Variants in RASAL1 observed in about 807,000 individuals in gnomAD.
RASAL1 encodes RAS protein activator like 1.
RASAL1 carries 72 observed loss-of-function variants against 96.6 expected under a neutral mutation model. The observed-to-expected ratio is 0.75, with a 90% CI of 0.62 to 0.91. The LOEUF is 0.91. Among genes scored for constraint, RASAL1 ranks in the 40% least tolerant of loss-of-function variants. The pLI is 0.00. For missense variants in RASAL1, 1,016 were observed against 1,072.5 expected (o/e 0.95, Z 0.74); for synonymous variants, 405 against 430.4 (o/e 0.94, Z 0.73).
chr12:113,132,219 C>T (rs1002200997), intron 1 of RASAL1, among the ~76,000 whole-genome samples: 17 of 152,074 alleles, frequency 1.1e-4, no homozygotes, highest in Non-Finnish European at 1.3e-4. Context: ...GTAATCCACC[C>T]GCCTCGGCCT....
intron 1 of RASAL1, among the ~76,000 whole-genome samples, chr12:113,131,488 T>G (rs1457699583): frequency 6.6e-6 from 1 of 152,068 alleles, no homozygotes; most frequent in African/African-American, 2.4e-5. Flanking sequence ...CAATGGGAGC[T>G]TCCCTGGGAA....
intron 11 of RASAL1, 53 bp from the exon 12 acceptor site, chr12:113,114,965 G>T: frequency 7.0e-7 from 1 of 1,437,740 alleles, no homozygotes; most frequent in Non-Finnish European, 9.8e-7. Context: ...GCCGGGGCAT[G>T]CCCATGAGCT....
intron 8 of RASAL1, among the ~76,000 whole-genome samples, chr12:113,116,703 A>G (rs1951101620): frequency 1.3e-5 from 2 of 152,352 alleles, no homozygotes; most frequent in Admixed American, 6.5e-5. Context: ...ACAGGTGTGT[A>G]TAGGTGCGGC....
intron 1 of RASAL1, among the ~76,000 whole-genome samples, chr12:113,134,773 G>C (rs1951849490): frequency 6.6e-6 from 1 of 152,156 alleles, no homozygotes; most frequent in Admixed American, 6.5e-5. Flanking sequence ...ACCTGGCTGG[G>C]GAGGGGGTCG....
chr12:113,105,659 G>A, intron 16 of RASAL1, 55 bp downstream of exon 16: 1 of 1,509,342 alleles, frequency 6.6e-7, no homozygotes, highest in Non-Finnish European at 8.9e-7. Flanking sequence ...CAAAGAGGCA[G>A]CACACTGAAA....
At chr12:113,106,763 T>C (rs190969340) in intron 15 of RASAL1, among the ~76,000 whole-genome samples, 4 of 152,198 alleles carry the variant, frequency 2.6e-5, no homozygotes, top group Admixed American at 2.6e-4. Context: ...TGAGATCAGA[T>C]TTTCTCTGTC....
rs1449150486 is a variant in RASAL1, at chr12:113,115,075, C to T, written c.1068+125G>A. 9.3e-6 allele frequency: 11 copies of T among 1,181,466 alleles called. No homozygotes were observed. Among genetic ancestry groups the T allele is most frequent in the South Asian group, 3.8e-5 (3 of 78,128 alleles). 73.2% of individuals were successfully genotyped at this position (1,181,466 alleles called of 1,614,324 possible). ...ACTCAGGGCAAGGCCGGGCACCAGC[C>T]GCCAGCACTGCAGCTCGGCTGCTCA... On this transcript the variant is annotated intron_variant, in intron 11 of 20. Coordinates refer to ENST00000548055, the MANE Select transcript of RASAL1 (RefSeq NM_001301202.2). This position sits in a 1 kb window ranked among gnomAD's most constrained non-coding sequence, Gnocchi z 4.1.
chr12:113,134,257 C>G (rs945497649), intron 1 of RASAL1, among the ~76,000 whole-genome samples: 3 of 152,190 alleles, frequency 2.0e-5, no homozygotes, highest in African/African-American at 7.2e-5. Context: ...AAATTGCTCT[C>G]AACAGCTGCC....
Position 113,108,096 on chromosome 12 carries a change from A to G in RASAL1, c.1501T>C (p.Leu501=). ...CCCATGGCTGGCACCTTGGCAAGCA[A>G]CAGCAGTGAGCGGCTAGTCTGGGGG... ...ADPQTSRSLL[L]LAKAVQSIGN... The change falls in exon 14 of 21, where the codon TTG becomes CTG. Residue 501 remains leucine (L), a synonymous_variant. Transcript: ENST00000548055. 6.2e-7 allele frequency: 1 copy of G among 1,611,908 alleles called. No homozygotes were observed. Among genetic ancestry groups the G allele is most frequent in the Admixed American group, 1.7e-5 (1 of 59,486 alleles).
At chr12:113,105,426 A>T (rs1732772) in intron 16 of RASAL1, among the ~76,000 whole-genome samples, 25 of 152,236 alleles carry the variant, frequency 1.6e-4, no homozygotes, top group Non-Finnish European at 3.1e-4. Context: ...CATTGGAGAG[A>T]GGCTCAGCAT....
At chr12:113,123,259 G>A (rs748591629) in intron 4 of RASAL1, among the ~76,000 whole-genome samples, 3 of 152,160 alleles carry the variant, frequency 2.0e-5, no homozygotes, top group Non-Finnish European at 4.4e-5. Flanking sequence ...GATGATTATT[G>A]TTTCTGCTGA....
chr12:113,131,389 G>A (rs1008094884), intron 1 of RASAL1, among the ~76,000 whole-genome samples: 12 of 152,106 alleles, frequency 7.9e-5, no homozygotes, highest in Non-Finnish European at 4.4e-5. Context: ...CTAGGGGGCT[G>A]GAGGAACTCA....
intron 3 of RASAL1, 85 bp downstream of exon 3, chr12:113,127,980 G>T: frequency 6.4e-7 from 1 of 1,552,654 alleles, no homozygotes; most frequent in South Asian, 1.1e-5. Context: ...ACACCCTCGT[G>T]GGCTGTGGAC....
intron 2 of RASAL1, 42 bp from the exon 3 acceptor site, chr12:113,128,220 C>G (rs1331622974): frequency 7.6e-7 from 1 of 1,311,282 alleles, no homozygotes; most frequent in Admixed American, 1.7e-5. Context: ...TCGGGCCACA[C>G]AGGAGGCAGA....
chr12:113,117,266 G>A, intron 7 of RASAL1, 105 bp from the exon 8 acceptor site: 1 of 767,112 alleles, frequency 1.3e-6, no homozygotes, highest in Non-Finnish European at 1.9e-6. Flanking sequence ...CACCCACAGA[G>A]GGGCAGAATG....
At chr12:113,103,593 G>C (rs1037925927) in intron 18 of RASAL1, among the ~76,000 whole-genome samples, 3 of 150,836 alleles carry the variant, frequency 2.0e-5, no homozygotes, top group Non-Finnish European at 4.4e-5. Context: ...GCAATAGAGT[G>C]AGACTCTGTC....
At chr12:113,105,119 G>A (rs1012899129) in intron 16 of RASAL1, among the ~76,000 whole-genome samples, 3 of 152,138 alleles carry the variant, frequency 2.0e-5, no homozygotes, top group South Asian at 4.1e-4. Flanking sequence ...AGCGTTAGCC[G>A]TCATCATCTA....
Position 113,119,379 on chromosome 12 carries a change from G to T in RASAL1, c.493C>A (p.Gln165Lys), listed in dbSNP as rs151114938. 1 of 1,612,496 alleles carries T rather than the reference G, an allele frequency of 6.2e-7. No homozygotes were observed. The highest frequency in any genetic ancestry group is 8.5e-7 in the Non-Finnish European group (1 of 1,179,314). The change falls in exon 6 of 21, where the codon CAG becomes AAG. Residue 165 changes from glutamine to lysine, a missense_variant. Transcript: ENST00000548055. ...DPFARVFWGS[Q>K]SLETSTIKKT... is the part of the protein sequence containing the mutation. Reference sequence around the variant, plus strand: ...CCACTCACTGAGGTCTCCAAGCTCTGGCTGCCCCAAAACACACGTGCAAAT... The same window carrying T: ...CCACTCACTGAGGTCTCCAAGCTCTTGCTGCCCCAAAACACACGTGCAAAT...
In RASAL1 at chr12:113,115,656, G is replaced by T. The variant is rs35505918; in HGVS notation, c.982C>A (p.Arg328=). The change falls in exon 10 of 21, where the codon CGG becomes AGG. Residue 328 remains arginine (R), a synonymous_variant. Coordinates refer to ENST00000548055, the MANE Select transcript of RASAL1 (RefSeq NM_001301202.2). This position sits in a 1 kb window ranked among gnomAD's most constrained non-coding sequence, Gnocchi z 4.1. The part of the protein sequence containing the change: ...LAGRFLDYLT[R]REVARTMDPN... ...TCACTGGTCCGAGCCACCTCACGCC[G>T]GGTGAGATAGTCCAGAAAGCGCCCA... The T allele has an allele frequency of 4.3e-6, 7 of 1,613,512 alleles. No homozygotes were observed. The African/African-American group carries it at 9.3e-5, about 22-fold the overall frequency.
Sources: gnomAD v4.1 joint callset for allele counts (sites outside exome capture counted in the v4.1 genomes callset) on GRCh38, gnomAD v4.1.1 for gene constraint, Gnocchi (gnomAD v3.1) non-coding constraint, MANE v1.5 for transcripts, NCBI Gene and HGNC (gene_info 2026-07-23, HGNC 2026-07-21) for gene names.